MORN3: variants seen among roughly 807,000 people sequenced by gnomAD.
The protein encoded by MORN3 is MORN repeat-containing protein 3.
In MORN3, 38 loss-of-function variants were observed where a neutral mutation model predicts 34.7. That is an observed-to-expected ratio of 1.10 (90% confidence interval 0.85 to 1.44). MORN3 has a LOEUF of 1.44. MORN3 is among the 40% of genes most tolerant of loss of function. The pLI is 0.00. For missense variants in MORN3, 311 were observed against 321.7 expected (o/e 0.97, Z 0.25); for synonymous variants, 109 against 115.3 (o/e 0.95, Z 0.35).
chr12:121,652,986 C>T (rs548671752), intron 4 of MORN3, 89 bp downstream of exon 4: 4 of 1,476,678 alleles, frequency 2.7e-6, no homozygotes, highest in Non-Finnish European at 9.2e-7. Context: ...CTTGGCTGGG[C>T]CTGGCAGATC....
upstream of MORN3, among the ~76,000 whole-genome samples, chr12:121,671,620 G>C (rs910398027): frequency 6.6e-6 from 1 of 152,036 alleles, no homozygotes; most frequent in Non-Finnish European, 1.5e-5. Context: ...GGTGGCACAC[G>C]CCTGTAATCC....
chr12:121,669,552 C>A lies in MORN3; in HGVS notation c.-69G>T. On this transcript the variant is annotated 5_prime_UTR_variant, in exon 1 of 6. Coordinates refer to ENST00000355329, the MANE Select transcript of MORN3 (RefSeq NM_173855.5). Reference sequence around the variant, plus strand: ...GGGACATCTGGGGCTCAGCGCGCCCCGTGTAATGCCGGGATCCTGAGCTCA... The same window carrying A: ...GGGACATCTGGGGCTCAGCGCGCCCAGTGTAATGCCGGGATCCTGAGCTCA... The A allele has an allele frequency of 6.3e-7, 1 of 1,589,324 alleles. No individual in the cohort carries two copies. Among genetic ancestry groups the A allele is most frequent in the Non-Finnish European group, 8.6e-7 (1 of 1,165,460 alleles).
At chr12:121,668,398 A>G (rs1021211642) in intron 1 of MORN3, among the ~76,000 whole-genome samples, 3 of 152,072 alleles carry the variant, frequency 2.0e-5, no homozygotes, top group African/African-American at 7.2e-5. Context: ...AAAAGTAGCC[A>G]GGCGTGGTGG....
At chr12:121,669,118 C>T (rs1893866669) in intron 1 of MORN3, among the ~76,000 whole-genome samples, 3 of 152,232 alleles carry the variant, frequency 2.0e-5, no homozygotes, top group Admixed American at 6.5e-5. Flanking sequence ...CCTCTGTCCA[C>T]TGCTGGTCCT....
At chr12:121,666,711 G>A (rs1893766707) in intron 1 of MORN3, among the ~76,000 whole-genome samples, 1 of 151,986 alleles carries the variant, frequency 6.6e-6, no homozygotes, top group Admixed American at 6.6e-5. Flanking sequence ...CTTTTATGGG[G>A]TGCTTCGTTC....
chr12:121,672,365 T>G (rs915680618), upstream of MORN3, among the ~76,000 whole-genome samples: 4 of 144,432 alleles, frequency 2.8e-5, no homozygotes, highest in African/African-American at 5.1e-5. Flanking sequence ...GAGGCTGAGG[T>G]GGGAAGATGC....
At chr12:121,658,423 G>A (rs970959506) in intron 2 of MORN3, among the ~76,000 whole-genome samples, 3 of 151,894 alleles carry the variant, frequency 2.0e-5, no homozygotes, top group Non-Finnish European at 2.9e-5. Flanking sequence ...AAAATTAGCC[G>A]GGCGTGGTGG....
intron 2 of MORN3, among the ~76,000 whole-genome samples, chr12:121,657,689 G>A (rs1893451450): frequency 6.6e-6 from 1 of 152,020 alleles, no homozygotes; most frequent in Admixed American, 6.6e-5. Flanking sequence ...CCAATATGGA[G>A]AAACTCTGTC....
At chr12:121,658,371 C>A (rs1012866070) in intron 2 of MORN3, among the ~76,000 whole-genome samples, 7 of 151,758 alleles carry the variant, frequency 4.6e-5, no homozygotes, top group Admixed American at 2.0e-4. Context: ...TGGAGACCAT[C>A]CTGGCTAACA....
intron 1 of MORN3, among the ~76,000 whole-genome samples, chr12:121,662,390 G>A (rs537988538): frequency 6.6e-6 from 1 of 152,126 alleles, no homozygotes; most frequent in South Asian, 2.1e-4. Context: ...TTGCTTGAAC[G>A]TCAGAGGCAG....
At chr12:121,671,370 C>G (rs2136891700), upstream of MORN3, among the ~76,000 whole-genome samples, 1 of 147,132 alleles carries the variant, frequency 6.8e-6, no homozygotes, top group South Asian at 2.2e-4. Flanking sequence ...CGCGCCACTG[C>G]ACTCCAGCCT....
Position 121,661,520 on chromosome 12 carries a change from T to C in MORN3, c.146-2172A>G, listed in dbSNP as rs202171156. 1.5e-4 allele frequency among the ~76,000 whole-genome samples: 23 copies of C among 152,264 alleles called. No individual in the cohort carries two copies. In the East Asian group the frequency reaches 2.9e-3, roughly 19 times the overall value. On this transcript the variant is annotated intron_variant, in intron 1 of 5. Transcript: ENST00000355329. Reference sequence around the variant, plus strand: ...TCTGAGCTTTGTGACCTTGACCAAGTAAGTTAATTCTTTGGGTCTCTCTGA... The same window carrying C: ...TCTGAGCTTTGTGACCTTGACCAAGCAAGTTAATTCTTTGGGTCTCTCTGA...
At chr12:121,655,874 C>CA (rs1165879650) in intron 2 of MORN3, among the ~76,000 whole-genome samples, 1 of 148,054 alleles carries the variant, frequency 6.8e-6, no homozygotes, top group Non-Finnish European at 1.5e-5. Context: ...ACTAAAAATA[C>CA]AAAAAAATTA....
At chr12:121,669,832 A>ATATATT (rs1182950355), upstream of MORN3, among the ~76,000 whole-genome samples, 6 of 133,614 alleles carry the variant, frequency 4.5e-5, no homozygotes, top group East Asian at 2.2e-4. Flanking sequence ...ATATATATAT[A>ATATATT]TTTTTTTTTT....
At chr12:121,669,813 C>CATATATATAT (rs750751662), upstream of MORN3, among the ~76,000 whole-genome samples, 4 of 136,002 alleles carry the variant, frequency 2.9e-5, no homozygotes, top group South Asian at 7.0e-4. Context: ...GTCATATATA[C>CATATATATAT]ATATATATAT....
At chr12:121,671,240 T>C (rs1290819989), upstream of MORN3, among the ~76,000 whole-genome samples, 1 of 148,332 alleles carries the variant, frequency 6.7e-6, no homozygotes, top group Non-Finnish European at 1.5e-5. Context: ...ACCCCGTCTC[T>C]ACTAAAAATA....
At chr12:121,665,631 G>A (rs1329264942) in intron 1 of MORN3, among the ~76,000 whole-genome samples, 1 of 151,180 alleles carries the variant, frequency 6.6e-6, no homozygotes, top group African/African-American at 2.4e-5. Context: ...TGGGCTTGGT[G>A]GCGTGCATCT....
intron 1 of MORN3, among the ~76,000 whole-genome samples, chr12:121,665,733 C>A (rs567335734): frequency 5.7e-5 from 8 of 140,778 alleles, no homozygotes; most frequent in Admixed American, 5.4e-4. Context: ...CCATTGCACT[C>A]CAGCCTGGGC....
intron 2 of MORN3, among the ~76,000 whole-genome samples, chr12:121,656,754 C>G (rs1555325740): frequency 2.0e-5 from 3 of 152,120 alleles, no homozygotes; most frequent in Non-Finnish European, 4.4e-5. Flanking sequence ...CTCCTGACCT[C>G]AAGTGATACA....
Sources: allele counts gnomAD v4.1 joint callset (sites outside exome capture counted in the v4.1 genomes callset), GRCh38; gene constraint gnomAD v4.1.1; transcripts MANE v1.5; gene names NCBI Gene and HGNC (gene_info 2026-07-23, HGNC 2026-07-21).